Variants in PARP1 observed in about 807,000 individuals in gnomAD.
PARP1 encodes poly(ADP-ribose) polymerase 1.
Under a neutral mutation model 118.7 loss-of-function variants are expected in PARP1, and 44 were observed. The observed-to-expected ratio is 0.37, with a 90% CI of 0.29 to 0.48. PARP1 has a LOEUF of 0.48. PARP1 is among the 20% of genes least tolerant of loss of function. The probability of loss-of-function intolerance (pLI) is 0.99; values close to 1 mark genes in which losing one functional copy is unlikely to be tolerated. For missense variants in PARP1, 1,100 were observed against 1,272.4 expected (o/e 0.86, Z 2.06); for synonymous variants, 492 against 483.2 (o/e 1.02, Z -0.24).
chr1:226,401,945 T>C lies in PARP1; in HGVS notation c.286+269A>G, dbSNP rs990725922. The C allele has an allele frequency of 2.1e-6, 3 of 1,433,668 alleles. No homozygotes were observed. The African/African-American group carries it at 4.3e-5, about 21-fold the overall frequency. 88.8% of individuals were successfully genotyped at this position (1,433,668 alleles called of 1,614,324 possible). ...GAAACTCTTTGTTCTTTGCTTACTTTTGCCATGAACAAAAATAAAGTATAT... is the reference window on the plus strand; with the variant it reads ...GAAACTCTTTGTTCTTTGCTTACTTCTGCCATGAACAAAAATAAAGTATAT... On this transcript the variant is annotated intron_variant, in intron 2 of 22. Coordinates refer to ENST00000366794, the MANE Select transcript of PARP1 (RefSeq NM_001618.4).
rs1558232071 is a variant in PARP1, at chr1:226,361,574, A to ATACAACAGAGGGTATG, written c.2964-49_2964-34dup. 2.8e-6 allele frequency: 4 copies of ATACAACAGAGGGTATG among 1,449,594 alleles called. No homozygotes were observed. In the Admixed American group the frequency reaches 5.0e-5, roughly 18 times the overall value. 89.8% of individuals were successfully genotyped at this position (1,449,594 alleles called of 1,614,324 possible). ...GAAGCTTGTTAAGGAGCCAACAGCC[A>ATACAACAGAGGGTATG]TACAACAGAGGGTATGTACATGTGC... On this transcript the variant is annotated intron_variant, in intron 22 of 22. Transcript: ENST00000366794.
chr1:226,402,902 A>G (rs1320554210), intron 1 of PARP1, among the ~76,000 whole-genome samples: 2 of 152,242 alleles, frequency 1.3e-5, no homozygotes, highest in Non-Finnish European at 1.5e-5. Flanking sequence ...AGTCCCAGAT[A>G]ATGAGCAAAG....
At chr1:226,361,656 C>G (rs569152645) in intron 22 of PARP1, 115 bp from the exon 23 acceptor site, 1 of 798,360 alleles carries the variant, frequency 1.3e-6, no homozygotes, top group Admixed American at 1.9e-5. Flanking sequence ...CACTCTAAGG[C>G]CTCTTCATGG....
At chr1:226,388,382 G>A (rs937860524) in intron 5 of PARP1, among the ~76,000 whole-genome samples, 4 of 152,224 alleles carry the variant, frequency 2.6e-5, no homozygotes, top group African/African-American at 9.7e-5. Flanking sequence ...ATCCCAGTAT[G>A]AGGCTGGTGA....
In PARP1 at chr1:226,368,226, C is replaced by T. The variant is rs200978353; in HGVS notation, c.2250G>A (p.Pro750=). ...GCACACTGTCTGCATTGTTCAGGAG[C>T]GGAGGCTTCTTCATCCCAAAGTCGT... The part of the protein sequence containing the change: ...IPHDFGMKKP[P]LLNNADSVQA... The change falls in exon 16 of 23, where the codon CCG becomes CCA. Residue 750 remains proline, a synonymous_variant. Coordinates refer to ENST00000366794, the MANE Select transcript of PARP1 (RefSeq NM_001618.4). 6.8e-5 allele frequency: 109 copies of T among 1,614,068 alleles called. No homozygotes were observed. Among genetic ancestry groups the T allele is most frequent in the Admixed American group, 3.8e-4 (23 of 60,010 alleles).
chr1:226,372,183 T>A (rs927013685), intron 14 of PARP1, among the ~76,000 whole-genome samples: 3 of 152,184 alleles, frequency 2.0e-5, no homozygotes, highest in East Asian at 3.9e-4. Context: ...GTGCTGGGGA[T>A]GAAGCCCCGA....
intron 2 of PARP1, among the ~76,000 whole-genome samples, chr1:226,394,637 G>C (rs1462549136): frequency 3.9e-5 from 6 of 152,174 alleles, no homozygotes; most frequent in African/African-American, 9.7e-5. Flanking sequence ...GACAGGGCTG[G>C]GTGCGGTAGC....
chr1:226,402,426 G>C (rs377111875), intron 1 of PARP1, 47 bp from the exon 2 acceptor site: 6 of 1,573,162 alleles, frequency 3.8e-6, no homozygotes, highest in African/African-American at 1.3e-5. Context: ...GTTAACTTTT[G>C]ACTTAGACCC....
At chr1:226,384,162 A>G (rs1664673399) in intron 7 of PARP1, among the ~76,000 whole-genome samples, 1 of 152,254 alleles carries the variant, frequency 6.6e-6, no homozygotes, top group Non-Finnish European at 1.5e-5. Flanking sequence ...CTGCCTAAGC[A>G]CAGCCATCTG....
chr1:226,403,891 G>A (rs550681016), intron 1 of PARP1, among the ~76,000 whole-genome samples: 20 of 152,268 alleles, frequency 1.3e-4, no homozygotes, highest in East Asian at 3.9e-4. Context: ...ATGGAGTTGC[G>A]GGGACAGGGA....
intron 19 of PARP1, among the ~76,000 whole-genome samples, chr1:226,364,778 G>C (rs181469616): frequency 3.9e-5 from 6 of 152,366 alleles, no homozygotes; most frequent in African/African-American, 1.4e-4. Flanking sequence ...CACCCGATTA[G>C]CATCTGCAGC....
intron 13 of PARP1, among the ~76,000 whole-genome samples, chr1:226,376,733 G>A (rs1296757126): frequency 1.3e-5 from 2 of 152,124 alleles, no homozygotes; most frequent in African/African-American, 4.8e-5. Context: ...TTTAAATGTC[G>A]AACCAACCTT....
intron 2 of PARP1, among the ~76,000 whole-genome samples, chr1:226,400,954 G>A (rs554279777): frequency 1.3e-5 from 2 of 152,328 alleles, no homozygotes; most frequent in African/African-American, 2.4e-5. Flanking sequence ...GCTTGACAGC[G>A]TATGGCACTG....
At position 226,388,664 on chromosome 1, in the gene PARP1, C is replaced by T; in HGVS notation, c.709G>A (p.Ala237Thr). 1 of 1,610,108 alleles carries T rather than the reference C, an allele frequency of 6.2e-7. No individual in the cohort carries two copies. Among genetic ancestry groups the T allele is most frequent in the Non-Finnish European group, 8.5e-7 (1 of 1,176,330 alleles). Reference protein sequence around the residue: ...EKDKDSKLEKALKAQNDLIWN... With the variant: ...EKDKDSKLEKTLKAQNDLIWN... ...CAGAGCTGAGAACTCACCTTTAGGG[C>T]TTTTTCAAGCTTACTATCCTTGTCT... Residue 237 changes from alanine to threonine, a missense_variant, in exon 5 of 23, where the codon GCC (alanine) becomes ACC (threonine). Transcript: ENST00000366794.
At position 226,361,398 on chromosome 1, in the gene PARP1, C is replaced by G. The variant is rs2102724517; in HGVS notation, c.*62G>C. 9.2e-7 allele frequency: 1 copy of G among 1,089,504 alleles called. No individual in the cohort carries two copies. Among genetic ancestry groups the G allele is most frequent in the Non-Finnish European group, 1.4e-6 (1 of 708,526 alleles). 67.5% of individuals were successfully genotyped at this position (1,089,504 alleles called of 1,614,324 possible). Reference sequence around the variant, plus strand: ...AACTTAGCGGCCAGGTGAGTTGGTGCAGAAGCGCTTCGGGTGAATTCATAC... The same window carrying G: ...AACTTAGCGGCCAGGTGAGTTGGTGGAGAAGCGCTTCGGGTGAATTCATAC... On this transcript the variant is annotated 3_prime_UTR_variant, in exon 23 of 23. Transcript: ENST00000366794.
chr1:226,390,941 G>A (rs1250988935), intron 3 of PARP1, among the ~76,000 whole-genome samples: 1 of 151,846 alleles, frequency 6.6e-6, no homozygotes, highest in African/African-American at 2.4e-5. Context: ...AAAACACATG[G>A]TATGGTGTGC....
Position 226,374,362 on chromosome 1 carries a change from A to G in PARP1, c.1942-8T>C. On this transcript the variant is annotated splice_polypyrimidine_tract_variant and splice_region_variant and intron_variant, in intron 13 of 22. Coordinates refer to ENST00000366794, the MANE Select transcript of PARP1 (RefSeq NM_001618.4). ...CTTCACTGCCTCTTCATCCTTCAGG[A>G]AAAAAGCACATTGCTAAGAGACCCA... 6.2e-7 allele frequency: 1 copy of G among 1,614,002 alleles called. No individual in the cohort carries two copies. Among genetic ancestry groups the G allele is most frequent in the Non-Finnish European group, 8.5e-7 (1 of 1,179,884 alleles).
At position 226,360,926 on chromosome 1, in the gene PARP1, A is replaced by G. The variant is rs1050691405; in HGVS notation, c.*534T>C. ...TAGCGTTCCTTCCTTTGGTCTTCCC[A>G]CACCCCTCACCACAAGAGGCAAACA... On this transcript the variant is annotated 3_prime_UTR_variant, in exon 23 of 23. Transcript: ENST00000366794. 5.7e-5 allele frequency: 13 copies of G among 228,512 alleles called. No homozygotes were observed. Among genetic ancestry groups the G allele is most frequent in the African/African-American group, 2.7e-4 (12 of 44,906 alleles). 14.2% of individuals were successfully genotyped at this position (228,512 alleles called of 1,614,324 possible).
rs775273327 is a variant in PARP1, at chr1:226,379,945, C to G, written c.1520G>C (p.Ser507Thr). The change falls in exon 10 of 23, where the codon AGC becomes ACC. Residue 507 changes from serine to threonine, a missense_variant. Coordinates refer to ENST00000366794, the MANE Select transcript of PARP1 (RefSeq NM_001618.4). ...GKSGAALSKK[S>T]KGQVKEEGIN... Reference sequence around the variant, plus strand: ...ACCTTCCTCCTTGACCTGGCCCTTGCTTTTTTTGGAGAGCGCAGCCCCTGA... The same window carrying G: ...ACCTTCCTCCTTGACCTGGCCCTTGGTTTTTTTGGAGAGCGCAGCCCCTGA... 4 of 1,613,900 alleles carry G rather than the reference C, an allele frequency of 2.5e-6. No homozygotes were observed. Among genetic ancestry groups the G allele is most frequent in the Non-Finnish European group, 3.4e-6 (4 of 1,180,024 alleles).
Sources: allele counts gnomAD v4.1 joint callset (sites outside exome capture counted in the v4.1 genomes callset), GRCh38; gene constraint gnomAD v4.1.1; transcripts MANE v1.5; gene names NCBI Gene and HGNC (gene_info 2026-07-23, HGNC 2026-07-21).